ST18: variants seen among roughly 807,000 people sequenced by gnomAD.
ST18 encodes ST18 C2H2C-type zinc finger transcription factor, also known as suppression of tumorigenicity 18 protein.
A neutral mutation model predicts 110.0 loss-of-function variants in ST18; 50 were observed. The ratio of observed to expected loss-of-function variants is 0.45; its 90% CI spans 0.36 to 0.58. The LOEUF (loss-of-function observed/expected upper bound fraction) is 0.58. ST18 is among the 20% of genes least tolerant of loss of function. The probability of loss-of-function intolerance (pLI) is 0.00; values close to 1 mark genes in which losing one functional copy is unlikely to be tolerated. For synonymous variants in ST18, 461 were observed against 452.4 expected (o/e 1.02, Z -0.24); for missense variants, 1,306 against 1,280.1 (o/e 1.02, Z -0.31).
intron 8 of ST18, among the ~76,000 whole-genome samples, chr8:52,199,948 G>A (rs1008763663): frequency 8.5e-5 from 13 of 152,154 alleles, no homozygotes; most frequent in Non-Finnish European, 1.3e-4. Context: ...ATTCCACTGT[G>A]CTCCCTTATG....
intron 2 of ST18, among the ~76,000 whole-genome samples, chr8:52,380,957 C>T (rs1590470893): frequency 6.6e-6 from 1 of 152,160 alleles, no homozygotes; most frequent in Admixed American, 6.5e-5. Flanking sequence ...ACAGGCAGGG[C>T]CCCTCTCAAC....
At chr8:52,136,692 C>T (rs559716321) in intron 18 of ST18, 34 bp from the exon 19 acceptor site, 6 of 1,554,682 alleles carry the variant, frequency 3.9e-6, no homozygotes, top group Non-Finnish European at 3.5e-6. Flanking sequence ...CACAACACAA[C>T]ACTGACATAT....
At chr8:52,130,251 T>C (rs1295005336) in intron 22 of ST18, among the ~76,000 whole-genome samples, 2 of 152,170 alleles carry the variant, frequency 1.3e-5, no homozygotes, top group East Asian at 3.8e-4. Context: ...ATGAAATACA[T>C]AATATGTAAA....
intron 2 of ST18, among the ~76,000 whole-genome samples, chr8:52,325,243 C>T (rs1307976719): frequency 6.6e-6 from 1 of 152,158 alleles, no homozygotes; most frequent in Non-Finnish European, 1.5e-5. Context: ...AAAAGGAAAT[C>T]ATTGAAATGC....
chr8:52,267,004 G>A (rs1347877110), intron 2 of ST18, among the ~76,000 whole-genome samples: 1 of 152,160 alleles, frequency 6.6e-6, no homozygotes, highest in African/African-American at 2.4e-5. Flanking sequence ...TTGAGGGCAG[G>A]TGCAGCAAAG....
At chr8:52,210,351 C>T (rs572458416) in intron 8 of ST18, among the ~76,000 whole-genome samples, 1 of 152,086 alleles carries the variant, frequency 6.6e-6, no homozygotes, top group Admixed American at 6.6e-5. Flanking sequence ...CTGTTCTTAT[C>T]AAAATACTTT....
chr8:52,260,699 C>T (rs924004472), intron 2 of ST18, among the ~76,000 whole-genome samples: 2 of 152,190 alleles, frequency 1.3e-5, no homozygotes. Context: ...ACACTTCCTT[C>T]TTCTATACAC....
rs534838917 is a variant in ST18 at position 52,245,652 on chromosome 8, T to C, written c.-464-15575A>G. Among the ~76,000 whole-genome samples, 64 of 152,274 alleles carry C rather than the reference T, an allele frequency of 4.2e-4. 1 individual carries two copies. The highest frequency in any genetic ancestry group is 1.9e-3 in the South Asian group (9 of 4,826). The stretch of plus-strand genomic sequence containing the variant: ...CATAGAATTACCAAGTGTAACTCTT[T>C]ATTAGAATAGTATCAATTAATATAC... On this transcript the variant is annotated intron_variant, in intron 2 of 25. Coordinates refer to ENST00000689386, the MANE Select transcript of ST18 (RefSeq NM_001352837.2).
chr8:52,180,037 C>T, intron 9 of ST18, 85 bp downstream of exon 9: 6 of 1,363,386 alleles, frequency 4.4e-6, no homozygotes, highest in Non-Finnish European at 6.1e-6. Context: ...CCATACAAAC[C>T]ATACAAACCA....
Position 52,172,579 on chromosome 8 carries a change from T to A in ST18, c.282A>T (p.Glu94Asp). The A allele has an allele frequency of 6.4e-7, 1 of 1,559,246 alleles. No homozygotes were observed. Among genetic ancestry groups the A allele is most frequent in the Non-Finnish European group, 8.6e-7 (1 of 1,158,432 alleles). Residue 94 changes from glutamate (E) to aspartate (D), a missense_variant, in exon 10 of 26, where the codon GAA (glutamate) becomes GAT (aspartate). By Grantham distance (45) the Glu-to-Asp change is conservative. Transcript: ENST00000689386. ...LETHGHSTAE[E>D]IMIKPMDESL... Reference sequence around the variant, plus strand: ...TTTCATCCATAGGTTTTATCATGATTTCCTCTATGGAAAAAGAAAACCAAT... The same window carrying A: ...TTTCATCCATAGGTTTTATCATGATATCCTCTATGGAAAAAGAAAACCAAT...
chr8:52,260,368 A>G (rs2094649336), intron 2 of ST18, among the ~76,000 whole-genome samples: 1 of 152,136 alleles, frequency 6.6e-6, no homozygotes, highest in African/African-American at 2.4e-5. Flanking sequence ...AAGCAACTGA[A>G]TTATATATGG....
chr8:52,149,958 T>G lies in ST18; in HGVS notation c.1826A>C (p.Asp609Ala). 6.2e-7 allele frequency: 1 copy of G among 1,613,994 alleles called. No individual in the cohort carries two copies. The highest frequency in any genetic ancestry group is 8.5e-7 in the Non-Finnish European group (1 of 1,179,960). Residue 609 changes from aspartate (D) to alanine (A), a missense_variant, in exon 16 of 26, where the codon GAT (aspartate) becomes GCT (alanine). Coordinates refer to ENST00000689386, the MANE Select transcript of ST18 (RefSeq NM_001352837.2). ...LHAKGAEIEV[D>A]ENGTLDLSMK... is the part of the protein sequence containing the mutation. ...GCTTAAGTCCAATGTGCCATTTTCA[T>G]CCACTTCTATTTCGGCTCCCTGGTA...
At chr8:52,208,767 C>G (rs2081071161) in intron 8 of ST18, among the ~76,000 whole-genome samples, 1 of 152,230 alleles carries the variant, frequency 6.6e-6, no homozygotes. Flanking sequence ...GCAGTGAGCC[C>G]AGATCGCGCC....
chr8:52,174,163 G>A (rs1415815205), intron 9 of ST18, among the ~76,000 whole-genome samples: 1 of 152,128 alleles, frequency 6.6e-6, no homozygotes, highest in Non-Finnish European at 1.5e-5. Context: ...TTAGTTCCTA[G>A]AAAAGAGGCT....
At chr8:52,231,073 A>G (rs2091206011) in intron 2 of ST18, among the ~76,000 whole-genome samples, 1 of 152,232 alleles carries the variant, frequency 6.6e-6, no homozygotes, top group African/African-American at 2.4e-5. Flanking sequence ...AGTTTCACAC[A>G]CAAAAAAAGT....
intron 2 of ST18, among the ~76,000 whole-genome samples, chr8:52,358,062 T>G (rs908593975): frequency 6.6e-6 from 1 of 151,680 alleles, no homozygotes; most frequent in African/African-American, 2.4e-5. Flanking sequence ...ACTGAAAAAT[T>G]TACATGTGTA....
intron 2 of ST18, among the ~76,000 whole-genome samples, chr8:52,277,964 A>G (rs1589552487): frequency 6.6e-6 from 1 of 152,208 alleles, no homozygotes; most frequent in South Asian, 2.1e-4. Flanking sequence ...AGTCAACAGG[A>G]CACTTCATTA....
chr8:52,137,593 C>T (rs1586709081), intron 17 of ST18, 110 bp from the exon 18 acceptor site: 3 of 966,968 alleles, frequency 3.1e-6, no homozygotes, highest in Non-Finnish European at 4.7e-6. Flanking sequence ...TAAGTTAACA[C>T]AGTATAGGAC....
At chr8:52,184,736 T>C (rs1028386415) in intron 8 of ST18, among the ~76,000 whole-genome samples, 1 of 152,282 alleles carries the variant, frequency 6.6e-6, no homozygotes, top group East Asian at 1.9e-4. Flanking sequence ...AGTTTTAAAA[T>C]GTAGGTTCAG....
Sources: allele counts gnomAD v4.1 joint callset (sites outside exome capture counted in the v4.1 genomes callset), GRCh38; gene constraint gnomAD v4.1.1; transcripts MANE v1.5; gene names NCBI Gene and HGNC (gene_info 2026-07-23, HGNC 2026-07-21).